The following MCHR2 variants were observed in gnomAD, a reference collection of about 807,000 sequenced individuals.
The protein encoded by MCHR2 is melanin-concentrating hormone receptor 2.
A neutral mutation model predicts 24.8 loss-of-function variants in MCHR2; 15 were observed. The ratio of observed to expected loss-of-function variants is 0.60; its 90% CI spans 0.40 to 0.93. The LOEUF is 0.93. Ranked by LOEUF, MCHR2 falls within the 40% of genes least tolerant of loss-of-function variation. MCHR2 has a pLI of 0.00. For missense variants in MCHR2, 386 were observed against 408.7 expected (o/e 0.94, Z 0.48); for synonymous variants, 151 against 147.6 (o/e 1.02, Z -0.17).
chr6:99,977,478 G>A (rs1281971818), intron 1 of MCHR2, among the ~76,000 whole-genome samples: 1 of 152,144 alleles, frequency 6.6e-6, no homozygotes, highest in Non-Finnish European at 1.5e-5. Context: ...ACCATACGGA[G>A]TAGGGCTGCA....
chr6:99,993,131 TAAG>T (rs955317437), intron 1 of MCHR2, among the ~76,000 whole-genome samples: 34 of 152,314 alleles, frequency 2.2e-4, no homozygotes, highest in African/African-American at 7.7e-4. Context: ...GCCATTTTAA[TAAG>T]AAGATTCCAC....
At chr6:99,925,347 G>C (rs1233460541) in intron 5 of MCHR2, among the ~76,000 whole-genome samples, 1 of 151,720 alleles carries the variant, frequency 6.6e-6, no homozygotes, top group South Asian at 2.1e-4. Flanking sequence ...TTTTCATTCA[G>C]TCAGCCAGTC....
intron 1 of MCHR2, among the ~76,000 whole-genome samples, chr6:99,976,119 C>T (rs1226427525): frequency 6.6e-6 from 1 of 152,072 alleles, no homozygotes; most frequent in African/African-American, 2.4e-5. Context: ...CAGCACATTA[C>T]AAATTTTAAA....
chr6:99,968,666 A>G (rs1338512338), intron 1 of MCHR2, among the ~76,000 whole-genome samples: 1 of 152,164 alleles, frequency 6.6e-6, no homozygotes, highest in Admixed American at 6.6e-5. Context: ...ACTCTACCCA[A>G]CAACAGCAGA....
chr6:99,942,482 A>G (rs1476933381), intron 4 of MCHR2, among the ~76,000 whole-genome samples: 2 of 152,170 alleles, frequency 1.3e-5, no homozygotes, highest in Non-Finnish European at 2.9e-5. Flanking sequence ...CATGACCTTA[A>G]CTTAGCTTGA....
intron 1 of MCHR2, among the ~76,000 whole-genome samples, chr6:99,966,803 T>A (rs1285193517): frequency 6.6e-6 from 1 of 152,180 alleles, no homozygotes; most frequent in Non-Finnish European, 1.5e-5. Context: ...AAGAATCTTT[T>A]GTATAAAGAA....
intron 1 of MCHR2, among the ~76,000 whole-genome samples, chr6:99,981,705 ATT>A (rs749264111): frequency 9.2e-5 from 14 of 152,206 alleles, no homozygotes; most frequent in Non-Finnish European, 1.8e-4. Context: ...GTTACTATTA[ATT>A]TCATATCTGT....
At chr6:99,983,445 CTATT>C (rs1388868948) in intron 1 of MCHR2, among the ~76,000 whole-genome samples, 1 of 151,922 alleles carries the variant, frequency 6.6e-6, no homozygotes, top group African/African-American at 2.4e-5. Context: ...CCTATACATA[CTATT>C]TTTTAAATGG....
intron 1 of MCHR2, among the ~76,000 whole-genome samples, chr6:99,970,609 T>C (rs1166472642): frequency 1.3e-5 from 2 of 152,222 alleles, no homozygotes; most frequent in East Asian, 3.8e-4. Flanking sequence ...CCTTTGTTTT[T>C]GGTGTTTTAG....
intron 1 of MCHR2, among the ~76,000 whole-genome samples, chr6:99,981,301 T>C (rs1224464481): frequency 6.6e-6 from 1 of 152,242 alleles, no homozygotes; most frequent in East Asian, 1.9e-4. Context: ...TAAAATTGAC[T>C]GGTACTTTTC....
Position 99,920,432 on chromosome 6 carries a change from A to G in MCHR2, c.*508T>C, listed in dbSNP as rs200030572. 680 of 155,392 alleles carry G rather than the reference A, an allele frequency of 4.4e-3. 6 individuals carry two copies. The highest frequency in any genetic ancestry group is 0.01 in the Middle Eastern group (3 of 294). 9.6% of individuals were successfully genotyped at this position (155,392 alleles called of 1,614,324 possible). A position where few individuals can be genotyped will look rare whatever the true frequency, so the allele number is the denominator to read the frequency against. On this transcript the variant is annotated 3_prime_UTR_variant, in exon 6 of 6. Coordinates refer to ENST00000281806, the MANE Select transcript of MCHR2 (RefSeq NM_001040179.2). ...ACATTGCATGTGTGCAATAAATGGT[A>G]ACTTATTCTAAAAGGTGGGGCTTAG...
intron 5 of MCHR2, among the ~76,000 whole-genome samples, chr6:99,923,913 T>A (rs1277430872): frequency 2.0e-5 from 3 of 152,118 alleles, no homozygotes; most frequent in Non-Finnish European, 2.9e-5. Flanking sequence ...AGTATCACAG[T>A]AATACTGGTG....
In MCHR2 at chr6:99,920,750, C is replaced by A; in HGVS notation, c.*190G>T. ...ATTCCCTACCCACAATATAGATCAA[C>A]ATTTTACATCTTGCTAAAGTTAGCA... On this transcript the variant is annotated 3_prime_UTR_variant, in exon 6 of 6. Coordinates refer to ENST00000281806, the MANE Select transcript of MCHR2 (RefSeq NM_001040179.2). 1.7e-6 allele frequency: 1 copy of A among 603,752 alleles called. No individual in the cohort carries two copies. The highest frequency in any genetic ancestry group is 2.9e-6 in the Non-Finnish European group (1 of 344,572). 37.4% of individuals were successfully genotyped at this position (603,752 alleles called of 1,614,324 possible). A position where few individuals can be genotyped will look rare whatever the true frequency, so the allele number is the denominator to read the frequency against.
intron 1 of MCHR2, among the ~76,000 whole-genome samples, chr6:99,968,117 T>C (rs954351488): frequency 1.1e-4 from 16 of 152,338 alleles, no homozygotes; most frequent in African/African-American, 3.4e-4. Context: ...ACAATAATCA[T>C]CATGATCATC....
chr6:99,970,899 C>T (rs1287685900), intron 1 of MCHR2, among the ~76,000 whole-genome samples: 1 of 152,156 alleles, frequency 6.6e-6, no homozygotes, highest in Non-Finnish European at 1.5e-5. Flanking sequence ...TCTGAGGGCT[C>T]TGTTCTGTTC....
In MCHR2 at chr6:99,948,030, A is replaced by G. The variant is rs1265891534; in HGVS notation, c.183-59T>C. On this transcript the variant is annotated intron_variant, in intron 2 of 5. Coordinates refer to ENST00000281806, the MANE Select transcript of MCHR2 (RefSeq NM_001040179.2). The stretch of plus-strand genomic sequence containing the variant: ...TGAATGTATACAGACTATTCGATAT[A>G]TGCTACCTCATACAAATTTTTAATT... 4.3e-6 allele frequency: 6 copies of G among 1,405,194 alleles called. No homozygotes were observed. In the East Asian group the frequency reaches 9.2e-5, roughly 21 times the overall value. 87.0% of individuals were successfully genotyped at this position (1,405,194 alleles called of 1,614,324 possible). A position where few individuals can be genotyped will look rare whatever the true frequency, so the allele number is the denominator to read the frequency against.
chr6:99,939,906 C>T (rs1432486705), intron 4 of MCHR2, among the ~76,000 whole-genome samples: 1 of 140,226 alleles, frequency 7.1e-6, no homozygotes, highest in Non-Finnish European at 1.5e-5. Context: ...TTGAGAATGC[C>T]ATTTCACTCC....
chr6:99,962,490 A>G (rs780391149), intron 1 of MCHR2, among the ~76,000 whole-genome samples: 3 of 152,168 alleles, frequency 2.0e-5, no homozygotes, highest in African/African-American at 7.2e-5. Flanking sequence ...AAAGTATACA[A>G]TTGAGGAGAG....
intron 5 of MCHR2, among the ~76,000 whole-genome samples, chr6:99,927,197 C>T (rs1238385426): frequency 6.6e-6 from 1 of 152,060 alleles, no homozygotes; most frequent in South Asian, 2.1e-4. Flanking sequence ...TGATCTATAT[C>T]TCTGTTTTGG....
Sources: gnomAD v4.1 joint callset for allele counts (sites outside exome capture counted in the v4.1 genomes callset) on GRCh38, gnomAD v4.1.1 for gene constraint, MANE v1.5 for transcripts, NCBI Gene and HGNC (gene_info 2026-07-23, HGNC 2026-07-21) for gene names.